The following TMEM135 variants were observed in gnomAD, a reference collection of about 807,000 sequenced individuals.
TMEM135 encodes peroxisomal membrane protein 52.
A neutral mutation model predicts 60.3 loss-of-function variants in TMEM135; 30 were observed. That is an observed-to-expected ratio of 0.50 (90% CI 0.37 to 0.68). The LOEUF is 0.68. TMEM135 is among the 30% of genes least tolerant of loss of function. The probability of loss-of-function intolerance (pLI) is 0.00; values close to 1 mark genes in which losing one functional copy is unlikely to be tolerated. For missense variants in TMEM135, 468 were observed against 548.8 expected (o/e 0.85, Z 1.47); for synonymous variants, 190 against 186.7 (o/e 1.02, Z -0.14).
intron 6 of TMEM135, among the ~76,000 whole-genome samples, chr11:87,254,530 A>C (rs1253857158): frequency 6.6e-6 from 1 of 152,212 alleles, no homozygotes; most frequent in Middle Eastern, 3.2e-3. Context: ...TAATCCTACA[A>C]GAACATAATA....
At chr11:87,085,211 G>A (rs1857070392) in intron 3 of TMEM135, among the ~76,000 whole-genome samples, 1 of 152,124 alleles carries the variant, frequency 6.6e-6, no homozygotes, top group African/African-American at 2.4e-5. Flanking sequence ...AAAGAGTGTG[G>A]CTCTATAATC....
At chr11:87,138,477 T>C (rs1334926757) in intron 4 of TMEM135, among the ~76,000 whole-genome samples, 3 of 151,084 alleles carry the variant, frequency 2.0e-5, no homozygotes, top group Admixed American at 6.6e-5. Flanking sequence ...AAATATTTGT[T>C]CATACTTTGC....
intron 5 of TMEM135, among the ~76,000 whole-genome samples, chr11:87,176,748 G>T (rs975888840): frequency 1.3e-5 from 2 of 152,152 alleles, no homozygotes; most frequent in South Asian, 2.1e-4. Flanking sequence ...TAATGGCTGG[G>T]ATTGAAGTCA....
At chr11:87,237,876 G>C (rs1941037316) in intron 6 of TMEM135, among the ~76,000 whole-genome samples, 1 of 151,288 alleles carries the variant, frequency 6.6e-6, no homozygotes, top group Non-Finnish European at 1.5e-5. Flanking sequence ...GAGTTCAATT[G>C]TTTTGATTTT....
chr11:87,251,461 C>A (rs1941414338), intron 6 of TMEM135, among the ~76,000 whole-genome samples: 1 of 152,084 alleles, frequency 6.6e-6, no homozygotes, highest in Non-Finnish European at 1.5e-5. Flanking sequence ...TTTGCTACAC[C>A]TCATTTTCTT....
intron 4 of TMEM135, among the ~76,000 whole-genome samples, chr11:87,117,780 C>T (rs1001537706): frequency 3.3e-5 from 5 of 152,158 alleles, no homozygotes; most frequent in African/African-American, 9.7e-5. Context: ...ATTTAGACCA[C>T]CTCCCATGAA....
chr11:87,226,640 A>G (rs1940769589), intron 5 of TMEM135, among the ~76,000 whole-genome samples: 1 of 152,234 alleles, frequency 6.6e-6, no homozygotes, highest in Admixed American at 6.5e-5. Flanking sequence ...AGGACAGGAT[A>G]GCATATAGGC....
At chr11:87,260,048 G>T (rs1028583753) in intron 6 of TMEM135, among the ~76,000 whole-genome samples, 1 of 152,142 alleles carries the variant, frequency 6.6e-6, no homozygotes, top group Non-Finnish European at 1.5e-5. Context: ...AATCTCAGCT[G>T]CTCTCAAATG....
At chr11:87,172,620 C>T (rs891015036) in intron 5 of TMEM135, among the ~76,000 whole-genome samples, 22 of 151,814 alleles carry the variant, frequency 1.4e-4, no homozygotes, top group African/African-American at 5.1e-4. Context: ...AAGTTTAACA[C>T]CTGGCTGGCA....
At chr11:87,321,176 GT>G (rs778120596) in intron 14 of TMEM135, 24 bp from the exon 15 acceptor site, 1 of 1,594,544 alleles carries the variant, frequency 6.3e-7, no homozygotes, top group Non-Finnish European at 8.6e-7. Flanking sequence ...ATTAATACTT[GT>G]TTACTGTATT....
At chr11:87,189,909 CTG>C (rs1325364630) in intron 5 of TMEM135, among the ~76,000 whole-genome samples, 3 of 151,742 alleles carry the variant, frequency 2.0e-5, no homozygotes, top group Admixed American at 6.6e-5. Flanking sequence ...GAGCAAGATC[CTG>C]TCTCATAATG....
At chr11:87,213,679 A>G (rs1421672976) in intron 5 of TMEM135, among the ~76,000 whole-genome samples, 2 of 151,904 alleles carry the variant, frequency 1.3e-5, no homozygotes, top group Admixed American at 1.3e-4. Context: ...CTTCCAAATT[A>G]GTAGGTAGTT....
intron 10 of TMEM135, among the ~76,000 whole-genome samples, chr11:87,311,931 T>C (rs920608428): frequency 2.0e-5 from 3 of 151,968 alleles, no homozygotes; most frequent in African/African-American, 7.2e-5. Context: ...TATTGTTTGA[T>C]GTTATAATGT....
intron 4 of TMEM135, among the ~76,000 whole-genome samples, chr11:87,103,547 T>A (rs1331364300): frequency 2.6e-5 from 4 of 152,026 alleles, no homozygotes; most frequent in Non-Finnish European, 4.4e-5. Context: ...CCCATTTTTT[T>A]AATTGAGTTG....
rs191697887 is a variant in TMEM135, at chr11:87,061,388, A to G, written c.142-6306A>G. Among the ~76,000 whole-genome samples, 5 of 152,356 alleles carry G rather than the reference A, an allele frequency of 3.3e-5. No homozygotes were observed. In the East Asian group the frequency reaches 5.8e-4, roughly 18 times the overall value. The stretch of plus-strand genomic sequence containing the variant: ...TTCAATGCATAGGACAGCCCTGCAC[A>G]ACAGATGATCTGGCCCAAAATGTCA... On this transcript the variant is annotated intron_variant, in intron 1 of 14. Coordinates refer to ENST00000305494, the MANE Select transcript of TMEM135 (RefSeq NM_022918.4).
intron 2 of TMEM135, among the ~76,000 whole-genome samples, chr11:87,071,162 T>C (rs1856767345): frequency 6.6e-6 from 1 of 152,130 alleles, no homozygotes; most frequent in Non-Finnish European, 1.5e-5. Flanking sequence ...TGAGAGTTAG[T>C]GAGAGACTTA....
intron 4 of TMEM135, among the ~76,000 whole-genome samples, chr11:87,104,725 G>A (rs1252456260): frequency 6.6e-6 from 1 of 152,026 alleles, no homozygotes; most frequent in Non-Finnish European, 1.5e-5. Flanking sequence ...GAATAGTTGA[G>A]TATTAGTGTA....
intron 5 of TMEM135, among the ~76,000 whole-genome samples, chr11:87,218,798 C>G (rs1940557227): frequency 6.6e-6 from 1 of 152,078 alleles, no homozygotes; most frequent in Admixed American, 6.6e-5. Context: ...CCCGTCTCTA[C>G]TAAAAATACA....
At chr11:87,154,051 A>T (rs1027754442) in intron 4 of TMEM135, among the ~76,000 whole-genome samples, 2 of 152,178 alleles carry the variant, frequency 1.3e-5, no homozygotes, top group African/African-American at 4.8e-5. Context: ...GTAAATTCAC[A>T]TTGTTGTGCG....
Sources: allele counts gnomAD v4.1 joint callset (sites outside exome capture counted in the v4.1 genomes callset), GRCh38; gene constraint gnomAD v4.1.1; transcripts MANE v1.5; gene names NCBI Gene and HGNC (gene_info 2026-07-23, HGNC 2026-07-21).